Variants in RTN1 observed in about 807,000 individuals in gnomAD.
RTN1 encodes the protein reticulon-1.
Under a neutral mutation model 65.5 loss-of-function variants are expected in RTN1, and 25 were observed. The ratio of observed to expected loss-of-function variants is 0.38; its 90% CI spans 0.28 to 0.53. The LOEUF (loss-of-function observed/expected upper bound fraction) is 0.53, where lower values mean the gene tolerates loss of function less well. Ranked by LOEUF, RTN1 falls within the 20% of genes least tolerant of loss-of-function variation. The pLI, the probability that RTN1 is intolerant of heterozygous loss-of-function variation, is 0.79. For synonymous variants in RTN1, 471 were observed against 447.6 expected (o/e 1.05, Z -0.66); for missense variants, 983 against 1,025.4 (o/e 0.96, Z 0.57).
At chr14:59,660,574 G>A (rs987035863) in intron 3 of RTN1, among the ~76,000 whole-genome samples, 2 of 152,006 alleles carry the variant, frequency 1.3e-5, no homozygotes, top group African/African-American at 2.4e-5. Flanking sequence ...TAGAACTCAG[G>A]ATTAAGGAAC....
At chr14:59,716,721 G>T (rs1026654577) in intron 3 of RTN1, among the ~76,000 whole-genome samples, 1 of 151,754 alleles carries the variant, frequency 6.6e-6, no homozygotes, top group African/African-American at 2.4e-5. Flanking sequence ...ACTTTGGGAG[G>T]CCAAAGCGGG....
At chr14:59,786,220 A>T (rs897870376) in intron 1 of RTN1, among the ~76,000 whole-genome samples, 8 of 152,208 alleles carry the variant, frequency 5.3e-5, no homozygotes. Context: ...ACAGAAGTCC[A>T]TGGAAACAGC....
At chr14:59,744,750 T>C (rs1373523845) in intron 2 of RTN1, among the ~76,000 whole-genome samples, 1 of 152,164 alleles carries the variant, frequency 6.6e-6, no homozygotes, top group African/African-American at 2.4e-5. Flanking sequence ...AGTCCACCTT[T>C]TCCTTCCCTT....
intron 3 of RTN1, among the ~76,000 whole-genome samples, chr14:59,667,267 A>G (rs1018758889): frequency 1.3e-5 from 2 of 152,210 alleles, no homozygotes; most frequent in Non-Finnish European, 2.9e-5. Flanking sequence ...CACCACGATC[A>G]AGTCGGCTTC....
intron 1 of RTN1, among the ~76,000 whole-genome samples, chr14:59,792,455 A>C (rs1040865694): frequency 6.6e-6 from 1 of 151,914 alleles, no homozygotes; most frequent in Non-Finnish European, 1.5e-5. Context: ...TGCATAAGTA[A>C]ATGGGAAAGC....
rs34046826 is a variant in RTN1 at position 59,707,708 on chromosome 14, TACACACACAC to T, written c.1765+19201_1765+19210del. On this transcript the variant is annotated intron_variant, in intron 3 of 8. Transcript: ENST00000267484. ...TCTCTTTCCCTCTGTCTCTCTCTTT[TACACACACAC>T]ACACACACACACACACACACACACA... 3.0e-3 allele frequency among the ~76,000 whole-genome samples: 437 copies of T among 145,772 alleles called. 2 individuals carry two copies. Among genetic ancestry groups the T allele is most frequent in the African/African-American group, 9.0e-3 (357 of 39,596 alleles).
Position 59,870,533 on chromosome 14 carries a change from A to C in RTN1, c.98T>G (p.Val33Gly), listed in dbSNP as rs1594774801. ...CGCCGGCGTGGCCCCTTTCGGCGTC[A>C]CCGCTTCGTTCTCCCCCTCCCCCCG... Reference protein sequence around the residue: ...RHRGEGENEAVTPKGATPAPQ... With the variant: ...RHRGEGENEAGTPKGATPAPQ... Residue 33 changes from valine to glycine, a missense_variant, in exon 1 of 9, where the codon GTG (valine) becomes GGG (glycine). By Grantham distance (109) the Val-to-Gly change is moderately radical (BLOSUM62 -3). Coordinates refer to ENST00000267484, the MANE Select transcript of RTN1 (RefSeq NM_021136.3). This position sits in a 1 kb window ranked among gnomAD's most constrained non-coding sequence, Gnocchi z 5.1. The C allele has an allele frequency of 6.9e-7, 1 of 1,458,562 alleles. No homozygotes were observed. Among genetic ancestry groups the C allele is most frequent in the Non-Finnish European group, 9.0e-7 (1 of 1,111,072 alleles). The allele number at this position is 1,458,562 out of a possible 1,614,324, so 90.4% of individuals were successfully genotyped here.
chr14:59,756,133 A>G (rs1482409197), intron 1 of RTN1, among the ~76,000 whole-genome samples: 1 of 152,234 alleles, frequency 6.6e-6, no homozygotes, highest in East Asian at 1.9e-4. Flanking sequence ...CAGAGTCCTC[A>G]GTAGTGCCTT....
chr14:59,776,465 C>T (rs557105481), intron 1 of RTN1, among the ~76,000 whole-genome samples: 1 of 152,282 alleles, frequency 6.6e-6, no homozygotes, highest in South Asian at 2.1e-4. Flanking sequence ...CATCCTTGGA[C>T]TTCCCAGCCT....
chr14:59,611,875 C>T lies in RTN1; in HGVS notation c.1766-4383G>A, dbSNP rs745587955. 1.1e-4 allele frequency among the ~76,000 whole-genome samples: 16 copies of T among 152,130 alleles called. No individual in the cohort carries two copies. In the East Asian group the frequency reaches 1.2e-3, roughly 11 times the overall value. On this transcript the variant is annotated intron_variant, in intron 3 of 8. Coordinates refer to ENST00000267484, the MANE Select transcript of RTN1 (RefSeq NM_021136.3). The stretch of plus-strand genomic sequence containing the variant: ...GTATATGTGGAAGGGATCTCAGAGA[C>T]GGTTGCTGATGGAAATCCAGCAGGC...
intron 3 of RTN1, among the ~76,000 whole-genome samples, chr14:59,639,284 G>A (rs956550955): frequency 2.0e-5 from 3 of 152,138 alleles, no homozygotes; most frequent in Admixed American, 6.5e-5. Context: ...GTCATAACTA[G>A]AAAAGAGTTT....
At chr14:59,813,137 C>T (rs989997161) in intron 1 of RTN1, among the ~76,000 whole-genome samples, 5 of 152,122 alleles carry the variant, frequency 3.3e-5, no homozygotes, top group Non-Finnish European at 7.4e-5. Flanking sequence ...AAAGTAAGGG[C>T]TTTCTAAAAG....
chr14:59,781,317 T>C lies in RTN1; in HGVS notation c.242-34836A>G, dbSNP rs151181119. Among the ~76,000 whole-genome samples, 12 of 152,204 alleles carry C rather than the reference T, an allele frequency of 7.9e-5. No individual in the cohort carries two copies. The East Asian group carries it at 1.9e-3, about 25-fold the overall frequency. On this transcript the variant is annotated intron_variant, in intron 1 of 8. Transcript: ENST00000267484. ...TTTATTGTAGAATTTAATACTGTTA[T>C]AGAAACAAAAATCTCCAAAGTGTCA...
intron 3 of RTN1, among the ~76,000 whole-genome samples, chr14:59,683,244 A>T (rs1353948518): frequency 1.3e-5 from 2 of 152,210 alleles, no homozygotes; most frequent in African/African-American, 2.4e-5. Flanking sequence ...TTGTGTATTA[A>T]CACAATGACT....
chr14:59,864,194 C>A (rs990296727), intron 1 of RTN1, among the ~76,000 whole-genome samples: 2 of 152,286 alleles, frequency 1.3e-5, no homozygotes, highest in Admixed American at 6.5e-5. Flanking sequence ...AGGACCTAAT[C>A]TATCCACTCC....
At position 59,749,308 on chromosome 14, in the gene RTN1, CTATA is replaced by C. The variant is rs35027570; in HGVS notation, c.242-2831_242-2828del. ...TATATCTATATATATCTATATATAT[CTATA>C]TATATATCTATATATCTATATATAT... On this transcript the variant is annotated intron_variant, in intron 1 of 8. Coordinates refer to ENST00000267484, the MANE Select transcript of RTN1 (RefSeq NM_021136.3). Among the ~76,000 whole-genome samples the C allele has an allele frequency of 5.8e-3, 86 of 14,882 alleles. 11 individuals are homozygous for C. The highest frequency in any genetic ancestry group is 0.012 in the East Asian group (11 of 892). 9.8% of individuals were successfully genotyped at this position (14,882 alleles called of 152,430 possible). A position where few individuals can be genotyped will look rare whatever the true frequency, so the allele number is the denominator to read the frequency against.
At chr14:59,735,704 T>C (rs1381503135) in intron 2 of RTN1, among the ~76,000 whole-genome samples, 3 of 152,318 alleles carry the variant, frequency 2.0e-5, no homozygotes, top group Admixed American at 6.5e-5. Flanking sequence ...TAAATACATA[T>C]GCACACAACA....
intron 3 of RTN1, among the ~76,000 whole-genome samples, chr14:59,724,516 T>C (rs2139473423): frequency 6.6e-6 from 1 of 152,320 alleles, no homozygotes; most frequent in South Asian, 2.1e-4. Context: ...ACCTCACTGT[T>C]GCCAGGAGTC....
chr14:59,749,602 T>C (rs1470079516), intron 1 of RTN1, among the ~76,000 whole-genome samples: 1 of 49,244 alleles, frequency 2.0e-5, no homozygotes, highest in African/African-American at 1.5e-4. Context: ...TATATATCTA[T>C]CTATATATAT....
Sources: allele counts gnomAD v4.1 joint callset (sites outside exome capture counted in the v4.1 genomes callset), GRCh38; gene constraint gnomAD v4.1.1; non-coding constraint Gnocchi (gnomAD v3.1); transcripts MANE v1.5; gene names NCBI Gene and HGNC (gene_info 2026-07-23, HGNC 2026-07-21).